NEK11: variants seen among roughly 807,000 people sequenced by gnomAD.
The protein encoded by NEK11 is serine/threonine-protein kinase Nek11.
NEK11 carries 72 observed loss-of-function variants against 80.7 expected under a neutral mutation model. That is an observed-to-expected ratio of 0.89 (90% confidence interval 0.74 to 1.08). The LOEUF is 1.08. NEK11 is among the 50% of genes least tolerant of loss of function. The probability of loss-of-function intolerance (pLI) is 0.00; values close to 1 mark genes in which losing one functional copy is unlikely to be tolerated. For synonymous variants in NEK11, 251 were observed against 260.7 expected (o/e 0.96, Z 0.36); for missense variants, 764 against 763.6 (o/e 1.00, Z -0.01).
chr3:131,059,623 T>A (rs2070424118), intron 3 of NEK11, among the ~76,000 whole-genome samples: 1 of 152,228 alleles, frequency 6.6e-6, no homozygotes, highest in African/African-American at 2.4e-5. Context: ...GTGTGAAGTA[T>A]ATGCGTTTAA....
intron 15 of NEK11, among the ~76,000 whole-genome samples, chr3:131,236,744 T>C: frequency 6.6e-6 from 1 of 152,152 alleles, no homozygotes; most frequent in Non-Finnish European, 1.5e-5. Context: ...AGTAGTGAGA[T>C]AGGAGTTACG....
intron 16 of NEK11, 36 bp downstream of exon 16, chr3:131,243,532 C>G (rs1326333843): frequency 6.6e-7 from 1 of 1,513,948 alleles, no homozygotes; most frequent in Non-Finnish European, 9.2e-7. Context: ...AATACATTGA[C>G]AGCTACTGAT....
At chr3:131,126,173 A>G (rs886440635) in intron 5 of NEK11, among the ~76,000 whole-genome samples, 2 of 152,106 alleles carry the variant, frequency 1.3e-5, no homozygotes, top group Non-Finnish European at 2.9e-5. Flanking sequence ...TTTCAGTTCT[A>G]CTTCCTTTAT....
chr3:131,195,779 AATATATATTTCAGAAT>A (rs2093980372), intron 14 of NEK11, among the ~76,000 whole-genome samples: 1 of 112,186 alleles, frequency 8.9e-6, no homozygotes, highest in Admixed American at 1.1e-4. Flanking sequence ...ATATATAAAG[AATATATATTTCAGAAT>A]ATATATATAT....
intron 7 of NEK11, among the ~76,000 whole-genome samples, chr3:131,147,165 T>G (rs937905095): frequency 6.6e-6 from 1 of 152,144 alleles, no homozygotes; most frequent in African/African-American, 2.4e-5. Flanking sequence ...TCTCCTGTTT[T>G]CTTTTAAAGC....
intron 16 of NEK11, among the ~76,000 whole-genome samples, chr3:131,246,024 T>G (rs2095597220): frequency 6.6e-6 from 1 of 152,200 alleles, no homozygotes; most frequent in South Asian, 2.1e-4. Flanking sequence ...TTGTTGCTTA[T>G]GCTCTTGTAG....
intron 17 of NEK11, among the ~76,000 whole-genome samples, chr3:131,289,122 C>G (rs1216604737): frequency 6.6e-6 from 1 of 152,168 alleles, no homozygotes; most frequent in African/African-American, 2.4e-5. Flanking sequence ...GATCAAGGTG[C>G]CAGCAGGTTT....
intron 17 of NEK11, among the ~76,000 whole-genome samples, chr3:131,340,270 T>C (rs1018885676): frequency 2.6e-5 from 4 of 152,154 alleles, no homozygotes; most frequent in African/African-American, 9.7e-5. Context: ...AGGGACAAAA[T>C]AGTTCTTTAT....
intron 5 of NEK11, among the ~76,000 whole-genome samples, chr3:131,124,108 A>C (rs2087772049): frequency 6.6e-6 from 1 of 152,126 alleles, no homozygotes; most frequent in South Asian, 2.1e-4. Flanking sequence ...AACAGTAACC[A>C]AACTCCAGAA....
At position 131,163,516 on chromosome 3, in the gene NEK11, A is replaced by AC. The variant is rs145173453; in HGVS notation, c.1082+990dup. 4.9e-3 allele frequency among the ~76,000 whole-genome samples: 748 copies of AC among 152,238 alleles called. 11 individuals are homozygous for AC. Among genetic ancestry groups the AC allele is most frequent in the African/African-American group, 0.017 (712 of 41,534 alleles). On this transcript the variant is annotated intron_variant, in intron 11 of 17. Transcript: ENST00000383366. ...AGAAAGACAAATACTGCATGATATC[A>AC]CTTATATATGGAATCTTAAAAAGTT...
intron 17 of NEK11, among the ~76,000 whole-genome samples, chr3:131,332,715 T>A (rs1363127195): frequency 3.3e-5 from 5 of 152,032 alleles, no homozygotes; most frequent in African/African-American, 1.2e-4. Flanking sequence ...GTTGAAAACT[T>A]TGAAAAAAAT....
chr3:131,249,321 A>G (rs1016788716), intron 16 of NEK11, among the ~76,000 whole-genome samples: 3 of 152,134 alleles, frequency 2.0e-5, no homozygotes, highest in Non-Finnish European at 4.4e-5. Context: ...GAACCTACAG[A>G]ATCTCATAAA....
Position 131,228,552 on chromosome 3 carries a change from C to T in NEK11, c.1424C>T (p.Ala475Val), listed in dbSNP as rs1204393100. 1 of 1,609,706 alleles carries T rather than the reference C, an allele frequency of 6.2e-7. No individual in the cohort carries two copies. Among genetic ancestry groups the T allele is most frequent in the Non-Finnish European group, 8.5e-7 (1 of 1,177,782 alleles). The change falls in exon 15 of 18, where the codon GCT becomes GTT. Residue 475 changes from alanine to valine, a missense_variant. Physicochemically the swap from Ala to Val is moderately conservative, Grantham distance 64. Coordinates refer to ENST00000383366, the MANE Select transcript of NEK11 (RefSeq NM_024800.5). ...YHEIPEDPLV[A>V]EEYYADAFDS... is the part of the protein sequence containing the mutation. ...GAGATCCCAGAAGACCCACTTGTGG[C>T]TGAAGAGTACTACGCTGATGCATTT... is the stretch of plus-strand genomic sequence containing the variant.
At chr3:131,028,265 G>A (rs1322821262) in intron 2 of NEK11, among the ~76,000 whole-genome samples, 2 of 152,178 alleles carry the variant, frequency 1.3e-5, no homozygotes, top group Non-Finnish European at 2.9e-5. Context: ...CTGTTTTGAG[G>A]ATTTTTGTGG....
chr3:131,125,497 T>C (rs951126987), intron 5 of NEK11, among the ~76,000 whole-genome samples: 6 of 152,216 alleles, frequency 3.9e-5, no homozygotes, highest in African/African-American at 9.6e-5. Context: ...AATGTCTTTA[T>C]TGGTAATTAT....
chr3:131,034,190 A>G (rs978443643), intron 3 of NEK11, among the ~76,000 whole-genome samples: 1 of 152,258 alleles, frequency 6.6e-6, no homozygotes. Flanking sequence ...TATTAAGGAA[A>G]TAGGTTTACC....
intron 16 of NEK11, among the ~76,000 whole-genome samples, chr3:131,250,938 G>A (rs1352976853): frequency 6.6e-6 from 1 of 152,020 alleles, no homozygotes; most frequent in Non-Finnish European, 1.5e-5. Context: ...CACACACTGA[G>A]TGCTTAGCTG....
At chr3:131,182,522 G>A (rs1010100795) in intron 14 of NEK11, among the ~76,000 whole-genome samples, 9 of 152,178 alleles carry the variant, frequency 5.9e-5, no homozygotes, top group Non-Finnish European at 8.8e-5. Flanking sequence ...GCATCCACAT[G>A]TGGGGATATA....
intron 17 of NEK11, among the ~76,000 whole-genome samples, chr3:131,347,669 C>CA (rs1449937176): frequency 6.6e-6 from 1 of 152,086 alleles, no homozygotes; most frequent in African/African-American, 2.4e-5. Context: ...CCTGTAATCC[C>CA]AGCACTTTGG....
Sources: gnomAD v4.1 joint callset for allele counts (sites outside exome capture counted in the v4.1 genomes callset) on GRCh38, gnomAD v4.1.1 for gene constraint, MANE v1.5 for transcripts, NCBI Gene and HGNC (gene_info 2026-07-23, HGNC 2026-07-21) for gene names.